The following HSDL1 variants were observed in gnomAD, a reference collection of about 807,000 sequenced individuals.
The protein encoded by HSDL1 is hydroxysteroid dehydrogenase like 1, also known as inactive hydroxysteroid dehydrogenase-like protein 1.
A neutral mutation model predicts 31.5 loss-of-function variants in HSDL1; 29 were observed. The observed-to-expected ratio is 0.92, with a 90% CI of 0.69 to 1.26. The LOEUF is 1.26. Among genes scored for constraint, HSDL1 ranks in the 50% most tolerant of loss-of-function variants. HSDL1 has a pLI of 0.00. For synonymous variants in HSDL1, 222 were observed against 155.2 expected (o/e 1.43, Z -3.20); for missense variants, 503 against 416.6 (o/e 1.21, Z -1.81).
chr16:84,143,462 G>C (rs2086789975), intron 1 of HSDL1, among the ~76,000 whole-genome samples: 1 of 152,190 alleles, frequency 6.6e-6, no homozygotes, highest in Non-Finnish European at 1.5e-5. Flanking sequence ...AAAGAGGTAT[G>C]ACTGTTAATG....
chr16:84,132,893 C>A (rs951147936), intron 2 of HSDL1, among the ~76,000 whole-genome samples: 5 of 150,060 alleles, frequency 3.3e-5, no homozygotes, highest in Non-Finnish European at 5.9e-5. Flanking sequence ...AGCTTATATT[C>A]TAAAAAGAAC....
At chr16:84,133,757 A>C (rs1170274625) in intron 2 of HSDL1, among the ~76,000 whole-genome samples, 1 of 152,184 alleles carries the variant, frequency 6.6e-6, no homozygotes, top group African/African-American at 2.4e-5. Flanking sequence ...AGTTTTCCTC[A>C]AATGAAAAGT....
chr16:84,134,584 C>G (rs1033560446), intron 2 of HSDL1, among the ~76,000 whole-genome samples: 2 of 152,026 alleles, frequency 1.3e-5, no homozygotes, highest in African/African-American at 2.4e-5. Context: ...TGCACTCCAG[C>G]CTGGGCGACA....
At position 84,141,248 on chromosome 16, in the gene HSDL1, G is replaced by C. The variant is rs114353232; in HGVS notation, c.-69+3832C>G. On this transcript the variant is annotated intron_variant, in intron 1 of 5. Coordinates refer to ENST00000219439, the MANE Select transcript of HSDL1 (RefSeq NM_031463.5). ...GCAGCTATATAGTCCATCCTCCTCG[G>C]CAGCTGCACAGTATCTCACGGTTCA... Among the ~76,000 whole-genome samples, 542 of 152,040 alleles carry C rather than the reference G, an allele frequency of 3.6e-3. 9 individuals are homozygous for C. The highest frequency in any genetic ancestry group is 0.013 in the African/African-American group (524 of 41,424).
In HSDL1 at chr16:84,124,516, G is replaced by C. The variant is rs143202733; in HGVS notation, c.*114C>G. On this transcript the variant is annotated 3_prime_UTR_variant, in exon 6 of 6. Coordinates refer to ENST00000219439, the MANE Select transcript of HSDL1 (RefSeq NM_031463.5). Reference sequence around the variant, plus strand: ...GTGTTTTGCAAATGACGAATCAACAGTATGCTGAATAATCAGCAATGAAAC... The same window carrying C: ...GTGTTTTGCAAATGACGAATCAACACTATGCTGAATAATCAGCAATGAAAC... The C allele has an allele frequency of 3.5e-4, 247 of 711,058 alleles. 1 individual carries two copies. The East Asian group carries it at 4.5e-3, about 13-fold the overall frequency. The allele number at this position is 711,058 out of a possible 1,614,324, so 44.0% of individuals were successfully genotyped here.
chr16:84,144,108 A>T (rs2086807615), intron 1 of HSDL1, among the ~76,000 whole-genome samples: 1 of 146,118 alleles, frequency 6.8e-6, no homozygotes, highest in Non-Finnish European at 1.5e-5. Context: ...TGGCGGTCAG[A>T]GTAAAATTGA....
At chr16:84,140,963 C>T (rs574486715) in intron 1 of HSDL1, among the ~76,000 whole-genome samples, 32 of 152,008 alleles carry the variant, frequency 2.1e-4, no homozygotes, top group African/African-American at 5.3e-4. Flanking sequence ...CAGTGGTGGG[C>T]GCCTGTAGTC....
Position 84,133,230 on chromosome 16 carries a change from T to C in HSDL1, c.-6-1903A>G, listed in dbSNP as rs371944367. ...AATAATTTTAAAACTATTGAATAAATATATATAAATGTGTAGTGTGAATTA... is the reference window on the plus strand; with the variant it reads ...AATAATTTTAAAACTATTGAATAAACATATATAAATGTGTAGTGTGAATTA... On this transcript the variant is annotated intron_variant, in intron 2 of 5. Coordinates refer to ENST00000219439, the MANE Select transcript of HSDL1 (RefSeq NM_031463.5). Among the ~76,000 whole-genome samples, 138 of 152,170 alleles carry C rather than the reference T, an allele frequency of 9.1e-4. 4 individuals are homozygous for C. In the South Asian group the frequency reaches 0.026, roughly 29 times the overall value.
In HSDL1 at chr16:84,131,124, A is replaced by G. The variant is rs1468234243; in HGVS notation, c.198T>C (p.Tyr66=). ...LGSRADLIKQ[Y]GRWAVVSGAT... ...TACCGCTGACAACGGCCCATCTTCCATACTGCTTGATCAAGTCTGCTCTGC... is the reference window on the plus strand; with the variant it reads ...TACCGCTGACAACGGCCCATCTTCCGTACTGCTTGATCAAGTCTGCTCTGC... Residue 66 remains tyrosine, a synonymous_variant, in exon 3 of 6, where the codon TAT becomes TAC. Coordinates refer to ENST00000219439, the MANE Select transcript of HSDL1 (RefSeq NM_031463.5). 1 of 1,613,552 alleles carries G rather than the reference A, an allele frequency of 6.2e-7. No individual in the cohort carries two copies. Among genetic ancestry groups the G allele is most frequent in the African/African-American group, 1.3e-5 (1 of 74,934 alleles).
Position 84,124,561 on chromosome 16 carries a change from T to C in HSDL1, c.*69A>G, listed in dbSNP as rs2086583580. The C allele has an allele frequency of 1.1e-6, 1 of 925,386 alleles. No homozygotes were observed. The highest frequency in any genetic ancestry group is 1.6e-5 in the African/African-American group (1 of 61,622). 57.3% of individuals were successfully genotyped at this position (925,386 alleles called of 1,614,324 possible). A position where few individuals can be genotyped will look rare whatever the true frequency, so the allele number is the denominator to read the frequency against. Reference sequence around the variant, plus strand: ...TGAAACACAGGAGATAAATTAAATGTGTTTTTCCAAATGTCAGAATATCGA... The same window carrying C: ...TGAAACACAGGAGATAAATTAAATGCGTTTTTCCAAATGTCAGAATATCGA... On this transcript the variant is annotated 3_prime_UTR_variant, in exon 6 of 6. Transcript: ENST00000219439.
rs538307708 is a variant in HSDL1, at chr16:84,137,821, A to T, written c.-68-2216T>A. 1.1e-4 allele frequency among the ~76,000 whole-genome samples: 16 copies of T among 152,378 alleles called. No individual in the cohort carries two copies. The South Asian group carries it at 2.3e-3, about 22-fold the overall frequency. ...GCCTCTCACTGAAACTTTCAAAGGAATTTATCACACATTTAAGCCTAGAAG... is the reference window on the plus strand; with the variant it reads ...GCCTCTCACTGAAACTTTCAAAGGATTTTATCACACATTTAAGCCTAGAAG... On this transcript the variant is annotated intron_variant, in intron 1 of 5. Coordinates refer to ENST00000219439, the MANE Select transcript of HSDL1 (RefSeq NM_031463.5).
chr16:84,132,643 C>T (rs2086679408), intron 2 of HSDL1, among the ~76,000 whole-genome samples: 1 of 152,154 alleles, frequency 6.6e-6, no homozygotes, highest in African/African-American at 2.4e-5. Context: ...AAGACGCAGA[C>T]ATTTAACAAA....
rs138939048 is a variant in HSDL1, at chr16:84,129,125, G to A, written c.894+423C>T. Reference sequence around the variant, plus strand: ...TGGTCAGGCACGGTGGCTCACGCCTGTAATCTCAGCACTTTGGGAGGCTGA... The same window carrying A: ...TGGTCAGGCACGGTGGCTCACGCCTATAATCTCAGCACTTTGGGAGGCTGA... On this transcript the variant is annotated intron_variant, in intron 5 of 5. Transcript: ENST00000219439. Among the ~76,000 whole-genome samples, 293 of 152,222 alleles carry A rather than the reference G, an allele frequency of 1.9e-3. 6 individuals carry two copies. In the East Asian group the frequency reaches 0.034, roughly 17 times the overall value.
At chr16:84,137,370 T>C (rs183740797) in intron 1 of HSDL1, among the ~76,000 whole-genome samples, 10 of 152,326 alleles carry the variant, frequency 6.6e-5, no homozygotes, top group Admixed American at 2.0e-4. Flanking sequence ...TGACGCCCCA[T>C]GTGTGCAGGC....
chr16:84,137,770 G>A (rs74032834), intron 1 of HSDL1, among the ~76,000 whole-genome samples: 9,322 of 152,214 alleles, frequency 0.061, 940 homozygotes, highest in African/African-American at 0.21. Flanking sequence ...ACTTTCCCCA[G>A]AGCCACCAAA....
Position 84,129,671 on chromosome 16 carries a change from T to A in HSDL1, c.771A>T (p.Ala257=). The part of the protein sequence containing the change: ...IPFYVATSMT[A]PSNFLHRCSW... ...AGCACCTGTGCAGAAAGTTGCTGGGTGCTGTCATGCTGGTGGCTACATAGA... is the reference window on the plus strand; with the variant it reads ...AGCACCTGTGCAGAAAGTTGCTGGGAGCTGTCATGCTGGTGGCTACATAGA... The change falls in exon 5 of 6, where the codon GCA becomes GCT. Residue 257 remains alanine, a synonymous_variant. Coordinates refer to ENST00000219439, the MANE Select transcript of HSDL1 (RefSeq NM_031463.5). The A allele has an allele frequency of 2.5e-6, 4 of 1,614,186 alleles. No homozygotes were observed. The highest frequency in any genetic ancestry group is 3.4e-6 in the Non-Finnish European group (4 of 1,180,014).
intron 5 of HSDL1, among the ~76,000 whole-genome samples, chr16:84,127,651 T>C (rs1313173063): frequency 6.7e-6 from 1 of 150,164 alleles, no homozygotes; most frequent in Non-Finnish European, 1.5e-5. Flanking sequence ...TGTTTGATAA[T>C]TAAGAAAACT....
intron 5 of HSDL1, among the ~76,000 whole-genome samples, chr16:84,129,205 C>T (rs2086637223): frequency 1.3e-5 from 2 of 151,898 alleles, no homozygotes; most frequent in South Asian, 2.1e-4. Context: ...CACGGTGAAA[C>T]CCCGTCTCTA....
intron 5 of HSDL1, among the ~76,000 whole-genome samples, chr16:84,126,545 C>G (rs2086608589): frequency 6.6e-6 from 1 of 152,224 alleles, no homozygotes; most frequent in Non-Finnish European, 1.5e-5. Context: ...AAAGCCTACA[C>G]TCCTCTAACA....
Sources: gnomAD v4.1 joint callset for allele counts (sites outside exome capture counted in the v4.1 genomes callset) on GRCh38, gnomAD v4.1.1 for gene constraint, MANE v1.5 for transcripts, NCBI Gene and HGNC (gene_info 2026-07-23, HGNC 2026-07-21) for gene names.